The following NKAIN2 variants were observed in gnomAD, a reference collection of about 807,000 sequenced individuals.
The protein encoded by NKAIN2 is sodium/potassium transporting ATPase interacting 2, also known as sodium/potassium-transporting ATPase subunit beta-1-interacting protein 2.
NKAIN2 carries 14 observed loss-of-function variants against 32.6 expected under a neutral mutation model. That is an observed-to-expected ratio of 0.43 (90% CI 0.28 to 0.67). NKAIN2 has a LOEUF of 0.67. Among genes scored for constraint, NKAIN2 ranks in the 30% least tolerant of loss-of-function variants. The probability of loss-of-function intolerance (pLI) is 0.17; values close to 1 mark genes in which losing one functional copy is unlikely to be tolerated. For synonymous variants in NKAIN2, 80 were observed against 87.2 expected, an observed-to-expected ratio of 0.92 and a Z score of 0.46; for missense variants, 198 against 258.3, an observed-to-expected ratio of 0.77 and a Z score of 1.60.
At chr6:123,977,856 T>C (rs1193419462) in intron 1 of NKAIN2, among the ~76,000 whole-genome samples, 1 of 152,186 alleles carries the variant, frequency 6.6e-6, no homozygotes, top group Admixed American at 6.5e-5. Flanking sequence ...TTAACTTTCA[T>C]GGATGAAAGC....
intron 3 of NKAIN2, among the ~76,000 whole-genome samples, chr6:124,610,533 C>T (rs1207209720): frequency 6.6e-6 from 1 of 152,168 alleles, no homozygotes; most frequent in Non-Finnish European, 1.5e-5. Flanking sequence ...TATGCTACCA[C>T]TTCTCTCTGC....
intron 3 of NKAIN2, among the ~76,000 whole-genome samples, chr6:124,589,767 C>T (rs985205506): frequency 6.6e-6 from 1 of 151,988 alleles, no homozygotes; most frequent in African/African-American, 2.4e-5. Context: ...CCTATCAACT[C>T]GTCATCTAGG....
chr6:124,541,371 C>T (rs1463295532), intron 3 of NKAIN2, among the ~76,000 whole-genome samples: 1 of 152,130 alleles, frequency 6.6e-6, no homozygotes, highest in African/African-American at 2.4e-5. Flanking sequence ...TTTCCCCATT[C>T]ATACAACAAA....
intron 1 of NKAIN2, among the ~76,000 whole-genome samples, chr6:123,816,390 G>A (rs767662042): frequency 6.6e-6 from 1 of 152,172 alleles, no homozygotes; most frequent in South Asian, 2.1e-4. Flanking sequence ...CAATGTGAGA[G>A]TGAAGGCTTG....
At chr6:124,296,604 G>A (rs1363335306) in intron 2 of NKAIN2, among the ~76,000 whole-genome samples, 1 of 152,042 alleles carries the variant, frequency 6.6e-6, no homozygotes, top group African/African-American at 2.4e-5. Flanking sequence ...GTTGGAGAAT[G>A]GTGTACAAAA....
intron 1 of NKAIN2, among the ~76,000 whole-genome samples, chr6:124,185,849 A>T (rs906154929): frequency 8.3e-6 from 1 of 120,152 alleles, no homozygotes; most frequent in African/African-American, 2.6e-5. Flanking sequence ...TAATACCAAC[A>T]TCAAATAATT....
intron 1 of NKAIN2, among the ~76,000 whole-genome samples, chr6:123,919,070 G>A (rs1582778575): frequency 6.6e-6 from 1 of 151,816 alleles, no homozygotes; most frequent in Non-Finnish European, 1.5e-5. Context: ...GACTTAATAC[G>A]AACTTGGCAA....
intron 3 of NKAIN2, among the ~76,000 whole-genome samples, chr6:124,447,299 A>G (rs1775934247): frequency 1.3e-5 from 2 of 152,116 alleles, no homozygotes; most frequent in African/African-American, 2.4e-5. Flanking sequence ...CTGAAATGCT[A>G]GTGCCTGGTA....
chr6:124,428,408 C>T (rs537480748), intron 3 of NKAIN2, among the ~76,000 whole-genome samples: 3 of 152,088 alleles, frequency 2.0e-5, no homozygotes, highest in African/African-American at 4.8e-5. Context: ...ATCTGAGAGA[C>T]CAAACTAAGT....
chr6:124,388,616 A>G (rs553709318), intron 3 of NKAIN2, among the ~76,000 whole-genome samples: 66 of 150,948 alleles, frequency 4.4e-4, no homozygotes, highest in African/African-American at 1.5e-3. Flanking sequence ...TGAGGGTTCT[A>G]TATTTTCAAA....
At chr6:124,667,459 TA>T (rs1348158717) in intron 4 of NKAIN2, among the ~76,000 whole-genome samples, 1 of 152,144 alleles carries the variant, frequency 6.6e-6, no homozygotes, top group African/African-American at 2.4e-5. Flanking sequence ...CAGAAATAAG[TA>T]AAGTATATGA....
chr6:124,442,773 TA>T (rs1465751923), intron 3 of NKAIN2, among the ~76,000 whole-genome samples: 3 of 152,130 alleles, frequency 2.0e-5, no homozygotes, highest in African/African-American at 7.2e-5. Flanking sequence ...GTCTTGCAGA[TA>T]GTATGGTTTT....
chr6:124,761,152 C>T (rs923593181), intron 4 of NKAIN2, among the ~76,000 whole-genome samples: 4 of 152,114 alleles, frequency 2.6e-5, no homozygotes, highest in African/African-American at 4.8e-5. Flanking sequence ...AAGCTGGTAA[C>T]GGAACAAAAT....
At chr6:124,284,995 T>C (rs1231193457) in intron 2 of NKAIN2, among the ~76,000 whole-genome samples, 1 of 152,184 alleles carries the variant, frequency 6.6e-6, no homozygotes, top group African/African-American at 2.4e-5. Flanking sequence ...CACTACTGGC[T>C]ACTTTCTCTG....
intron 1 of NKAIN2, among the ~76,000 whole-genome samples, chr6:123,840,287 A>G (rs1320321175): frequency 1.3e-5 from 2 of 152,238 alleles, no homozygotes; most frequent in Admixed American, 6.5e-5. Context: ...TTTTTAAACT[A>G]TAAAAGTCAT....
rs534739646 is a variant in NKAIN2, at chr6:124,639,526, C to T, written c.274-18660C>T. Among the ~76,000 whole-genome samples, 143 of 151,968 alleles carry T rather than the reference C, an allele frequency of 9.4e-4. 1 individual carries two copies. The highest frequency in any genetic ancestry group is 9.0e-4 in the Non-Finnish European group (61 of 67,956). On this transcript the variant is annotated intron_variant, in intron 3 of 6. Coordinates refer to ENST00000368417, the MANE Select transcript of NKAIN2 (RefSeq NM_001040214.3). ...GCGTGTGCCTGTAGTCCCAGCTACTCAGGAGGCTGAGACAGGAGAATTGCT... is the reference window on the plus strand; with the variant it reads ...GCGTGTGCCTGTAGTCCCAGCTACTTAGGAGGCTGAGACAGGAGAATTGCT...
At chr6:124,712,015 G>C (rs954486499) in intron 4 of NKAIN2, among the ~76,000 whole-genome samples, 1 of 152,130 alleles carries the variant, frequency 6.6e-6, no homozygotes, top group South Asian at 2.1e-4. Context: ...TGTTCTTTCT[G>C]TTTGTTAGTT....
At chr6:124,532,906 G>T (rs1192819239) in intron 3 of NKAIN2, among the ~76,000 whole-genome samples, 1 of 152,198 alleles carries the variant, frequency 6.6e-6, no homozygotes, top group Non-Finnish European at 1.5e-5. Flanking sequence ...GTCTGGAAAA[G>T]TTGGGAACTA....
intron 1 of NKAIN2, among the ~76,000 whole-genome samples, chr6:124,270,238 G>A (rs531118070): frequency 1.3e-5 from 2 of 152,290 alleles, no homozygotes; most frequent in African/African-American, 4.8e-5. Flanking sequence ...GTGGAGGGCA[G>A]CTAAAACGGA....
Sources: allele counts gnomAD v4.1 joint callset (sites outside exome capture counted in the v4.1 genomes callset), GRCh38; gene constraint gnomAD v4.1.1; transcripts MANE v1.5; gene names NCBI Gene and HGNC (gene_info 2026-07-23, HGNC 2026-07-21).